ABTB2: variants seen among roughly 807,000 people sequenced by gnomAD.
ABTB2 encodes the protein ankyrin repeat and BTB domain containing 2.
A neutral mutation model predicts 104.1 loss-of-function variants in ABTB2; 56 were observed. The ratio of observed to expected loss-of-function variants is 0.54; its 90% confidence interval spans 0.43 to 0.67. The LOEUF is 0.67. Ranked by LOEUF, ABTB2 falls within the 30% of genes least tolerant of loss-of-function variation. The probability of loss-of-function intolerance (pLI) is 0.00; values close to 1 mark genes in which losing one functional copy is unlikely to be tolerated. For missense variants in ABTB2, 1,279 were observed against 1,407.7 expected (o/e 0.91, Z 1.46); for synonymous variants, 606 against 608.2 (o/e 1.00, Z 0.05).
chr11:34,232,001 A>G (rs950905176), intron 1 of ABTB2, among the ~76,000 whole-genome samples: 1 of 152,202 alleles, frequency 6.6e-6, no homozygotes, highest in Non-Finnish European at 1.5e-5. Context: ...ACAACTAAAT[A>G]TGGCATGGGT....
At chr11:34,352,595 A>G (rs981032774) in intron 1 of ABTB2, among the ~76,000 whole-genome samples, 1 of 152,208 alleles carries the variant, frequency 6.6e-6, no homozygotes, top group African/African-American at 2.4e-5. Context: ...TGAATTTACT[A>G]TTTATTGAGC....
At chr11:34,227,661 A>G (rs1475902220) in intron 1 of ABTB2, among the ~76,000 whole-genome samples, 1 of 152,212 alleles carries the variant, frequency 6.6e-6, no homozygotes. Flanking sequence ...TTGTGTGAAC[A>G]TACATTTTCA....
rs909777017 is a variant in ABTB2 at position 34,289,961 on chromosome 11, A to G, written c.883+66740T>C. ...TTTTAGGCAAGGCCTGTAACTAACTATAGTCCTCACTCTCCCCAGTTGTCT... is the reference window on the plus strand; with the variant it reads ...TTTTAGGCAAGGCCTGTAACTAACTGTAGTCCTCACTCTCCCCAGTTGTCT... On this transcript the variant is annotated intron_variant, in intron 1 of 16. Transcript: ENST00000435224. Among the ~76,000 whole-genome samples, 6 of 152,338 alleles carry G rather than the reference A, an allele frequency of 3.9e-5. No individual in the cohort carries two copies. In the South Asian group the frequency reaches 8.3e-4, roughly 21 times the overall value.
chr11:34,347,574 A>AT (rs1564938225), intron 1 of ABTB2, among the ~76,000 whole-genome samples: 1 of 152,254 alleles, frequency 6.6e-6, no homozygotes, highest in Non-Finnish European at 1.5e-5. Context: ...CCTTCCCTTC[A>AT]TAACACTGGA....
intron 4 of ABTB2, among the ~76,000 whole-genome samples, chr11:34,171,381 CCTGGCCAA>C (rs1208935743): frequency 6.6e-6 from 1 of 152,188 alleles, no homozygotes; most frequent in Non-Finnish European, 1.5e-5. Flanking sequence ...TCAAGACCAG[CCTGGCCAA>C]CATGGTGAAA....
In ABTB2 at chr11:34,162,528, G is replaced by A. The variant is rs909537494; in HGVS notation, c.2218+48C>T. The A allele has an allele frequency of 4.4e-6, 7 of 1,581,476 alleles. No individual in the cohort carries two copies. In the East Asian group the frequency reaches 1.6e-4, roughly 36 times the overall value. ...AGAGCAGCAGGGAGTGACCGTGTGT[G>A]TCCATATGCATGCATGGACATGGGT... is the stretch of plus-strand genomic sequence containing the variant. On this transcript the variant is annotated intron_variant, in intron 10 of 16. Transcript: ENST00000435224.
At chr11:34,159,453 A>G (rs562394613) in intron 13 of ABTB2, 67 bp from the exon 14 acceptor site, 11 of 967,078 alleles carry the variant, frequency 1.1e-5, no homozygotes, top group Admixed American at 8.6e-5. Context: ...TGGCGATGGC[A>G]CCATCTGTCA....
At chr11:34,174,365 A>C (rs1852934534) in intron 3 of ABTB2, among the ~76,000 whole-genome samples, 1 of 150,226 alleles carries the variant, frequency 6.7e-6, no homozygotes, top group Non-Finnish European at 1.5e-5. Flanking sequence ...GAAAAAGAGT[A>C]GCGGCTTCAA....
chr11:34,194,722 C>T (rs1021071697), intron 3 of ABTB2, among the ~76,000 whole-genome samples: 9 of 151,982 alleles, frequency 5.9e-5, no homozygotes, highest in Non-Finnish European at 1.2e-4. Flanking sequence ...GCTGTTGGCT[C>T]CCTCAGGTAT....
chr11:34,204,818 T>C, intron 1 of ABTB2, 128 bp from the exon 2 acceptor site: 1 of 1,098,332 alleles, frequency 9.1e-7, no homozygotes, highest in Non-Finnish European at 1.3e-6. Flanking sequence ...GGAGGTAAAA[T>C]CTCTCTGAGC....
In ABTB2 at chr11:34,159,319, C is replaced by T. The variant is rs773549724; in HGVS notation, c.2674G>A (p.Asp892Asn). 14 of 1,613,778 alleles carry T rather than the reference C, an allele frequency of 8.7e-6. No homozygotes were observed. The highest frequency in any genetic ancestry group is 1.2e-5 in the Non-Finnish European group (14 of 1,179,876). ...ACCTGAAAAATGTGGTACTTCATGT[C>T]GCTGATCTCGATGGTCTTGCTGCTG... The part of the protein sequence containing the change: ...GDSSKTIEIS[D>N]MKYHIFQMMM... The change falls in exon 14 of 17, where the codon GAC becomes AAC. Residue 892 changes from aspartate to asparagine, a missense_variant. Physicochemically the swap from Asp to Asn is conservative, Grantham distance 23 (BLOSUM62 1). Transcript: ENST00000435224.
At chr11:34,186,772 T>C (rs954089822) in intron 3 of ABTB2, among the ~76,000 whole-genome samples, 8 of 152,146 alleles carry the variant, frequency 5.3e-5, no homozygotes, top group African/African-American at 1.9e-4. Flanking sequence ...GCTCGCTCCT[T>C]CTCGGATGCT....
At chr11:34,263,597 G>C (rs963948690) in intron 1 of ABTB2, among the ~76,000 whole-genome samples, 1 of 152,144 alleles carries the variant, frequency 6.6e-6, no homozygotes, top group Non-Finnish European at 1.5e-5. Flanking sequence ...CTCTCCTGCA[G>C]GTGGCTGACT....
intron 3 of ABTB2, among the ~76,000 whole-genome samples, chr11:34,179,720 A>G (rs1027240107): frequency 3.9e-5 from 6 of 152,164 alleles, no homozygotes; most frequent in African/African-American, 1.2e-4. Flanking sequence ...AACTCCTTTC[A>G]TTGTGAGAGC....
intron 1 of ABTB2, among the ~76,000 whole-genome samples, chr11:34,305,437 C>T (rs796953550): frequency 2.8e-4 from 43 of 152,308 alleles, no homozygotes; most frequent in African/African-American, 1.0e-3. Context: ...GGGGCAGTAA[C>T]ACCACATGGG....
At chr11:34,188,475 G>A (rs1853131038) in intron 3 of ABTB2, among the ~76,000 whole-genome samples, 1 of 152,192 alleles carries the variant, frequency 6.6e-6, no homozygotes, top group African/African-American at 2.4e-5. Context: ...AGCTCCCTGT[G>A]TGCACCGTAG....
At chr11:34,349,637 C>T (rs1325617107) in intron 1 of ABTB2, among the ~76,000 whole-genome samples, 1 of 152,202 alleles carries the variant, frequency 6.6e-6, no homozygotes, top group East Asian at 1.9e-4. Flanking sequence ...TTCTCACAAC[C>T]ATCCTATGAG....
At chr11:34,190,151 A>C (rs1437247000) in intron 3 of ABTB2, among the ~76,000 whole-genome samples, 5 of 152,094 alleles carry the variant, frequency 3.3e-5, no homozygotes, top group Non-Finnish European at 5.9e-5. Context: ...GAGGCAGGAG[A>C]ATCACTTGCA....
chr11:34,298,401 T>C (rs759557118), intron 1 of ABTB2, among the ~76,000 whole-genome samples: 2 of 150,028 alleles, frequency 1.3e-5, no homozygotes, highest in Non-Finnish European at 2.9e-5. Flanking sequence ...GGGTGAGGAA[T>C]GATCTTGTTT....
Sources: gnomAD v4.1 joint callset for allele counts (sites outside exome capture counted in the v4.1 genomes callset) on GRCh38, gnomAD v4.1.1 for gene constraint, MANE v1.5 for transcripts, NCBI Gene and HGNC (gene_info 2026-07-23, HGNC 2026-07-21) for gene names.